RASGRF2: variants seen among roughly 807,000 people sequenced by gnomAD.
RASGRF2 encodes Ras protein specific guanine nucleotide releasing factor 2, also known as ras-specific guanine nucleotide-releasing factor 2.
Under a neutral mutation model 151.0 loss-of-function variants are expected in RASGRF2, and 76 were observed. The ratio of observed to expected loss-of-function variants is 0.50; its 90% confidence interval spans 0.42 to 0.61. RASGRF2 has a LOEUF of 0.61. Among genes scored for constraint, RASGRF2 ranks in the 20% least tolerant of loss-of-function variants. The probability of loss-of-function intolerance (pLI) is 0.00; values close to 1 mark genes in which losing one functional copy is unlikely to be tolerated. For synonymous variants in RASGRF2, 504 were observed against 566.5 expected, an observed-to-expected ratio of 0.89 and a Z score of 1.57; for missense variants, 1,148 against 1,564.6, an observed-to-expected ratio of 0.73 and a Z score of 4.49.
rs1479380019 is a variant in RASGRF2, at chr5:80,974,169, G to T, written c.288+13143G>T. On this transcript the variant is annotated intron_variant, in intron 1 of 26. Transcript: ENST00000265080. ...TCAGAAAACCAGTCCTTATTTGAGA[G>T]TATCTATGCAATTGTTCCAGACAGT... Among the ~76,000 whole-genome samples, 3 of 152,148 alleles carry T rather than the reference G, an allele frequency of 2.0e-5. No individual in the cohort carries two copies. In the East Asian group the frequency reaches 5.8e-4, roughly 29 times the overall value.
intron 12 of RASGRF2, among the ~76,000 whole-genome samples, chr5:81,098,334 A>G (rs563033363): frequency 2.2e-4 from 34 of 152,308 alleles, no homozygotes; most frequent in African/African-American, 7.7e-4. Context: ...TGGAGTTGAT[A>G]AATAAGCAGT....
rs771999042 is a variant in RASGRF2 at position 81,080,103 on chromosome 5, T to G, written c.888-18T>G. The stretch of plus-strand genomic sequence containing the variant: ...ACATTATAGCAACTAAATTATATTA[T>G]TTTTCCTTTTTTTATAGTGAAACAA... On this transcript the variant is annotated intron_variant, in intron 5 of 26. Transcript: ENST00000265080. 2 of 1,593,094 alleles carry G rather than the reference T, an allele frequency of 1.3e-6. No homozygotes were observed. The highest frequency in any genetic ancestry group is 3.8e-5 in the Admixed American group (2 of 52,862).
chr5:81,161,681 G>A (rs1033118283), intron 17 of RASGRF2, among the ~76,000 whole-genome samples: 3 of 152,098 alleles, frequency 2.0e-5, no homozygotes, highest in African/African-American at 7.2e-5. Context: ...GGATCTCTTA[G>A]ACAATATATA....
chr5:81,173,255 G>A (rs1004016587), intron 17 of RASGRF2, among the ~76,000 whole-genome samples: 10 of 152,062 alleles, frequency 6.6e-5, no homozygotes, highest in African/African-American at 9.7e-5. Flanking sequence ...GTGGGTGCCC[G>A]TAATCCCAGC....
intron 17 of RASGRF2, among the ~76,000 whole-genome samples, chr5:81,172,885 C>T (rs1580379090): frequency 6.6e-6 from 1 of 152,066 alleles, no homozygotes; most frequent in Admixed American, 6.6e-5. Context: ...ATAAAACTAG[C>T]AAAGCCTTAC....
intron 4 of RASGRF2, among the ~76,000 whole-genome samples, chr5:81,070,886 T>G (rs1470264338): frequency 1.3e-5 from 2 of 152,210 alleles, no homozygotes; most frequent in Non-Finnish European, 2.9e-5. Flanking sequence ...TGGGGGAATA[T>G]TTTTTAAATT....
chr5:80,975,383 T>G (rs1220625342), intron 1 of RASGRF2, among the ~76,000 whole-genome samples: 1 of 151,816 alleles, frequency 6.6e-6, no homozygotes, highest in African/African-American at 2.4e-5. Context: ...CGTTGAGGGG[T>G]GGGTCTGCAA....
chr5:80,975,747 G>A (rs562233100), intron 1 of RASGRF2, among the ~76,000 whole-genome samples: 7 of 152,040 alleles, frequency 4.6e-5, no homozygotes, highest in Non-Finnish European at 7.4e-5. Context: ...TCCTTACATA[G>A]TGGGTTTAGT....
intron 1 of RASGRF2, among the ~76,000 whole-genome samples, chr5:81,035,560 A>G (rs1335410823): frequency 2.0e-5 from 3 of 152,118 alleles, no homozygotes; most frequent in Non-Finnish European, 4.4e-5. Flanking sequence ...ATGTATACAT[A>G]TGTAACAAAC....
intron 5 of RASGRF2, 128 bp from the exon 6 acceptor site, chr5:81,079,993 T>G: frequency 8.4e-7 from 1 of 1,190,478 alleles, no homozygotes; most frequent in Non-Finnish European, 1.1e-6. Flanking sequence ...ATGTTATTAT[T>G]GGGTATAGTT....
At chr5:80,991,169 G>A (rs186188261) in intron 1 of RASGRF2, among the ~76,000 whole-genome samples, 11 of 152,300 alleles carry the variant, frequency 7.2e-5, no homozygotes, top group Admixed American at 3.9e-4. Flanking sequence ...GGGGCCAGGT[G>A]TGGTGACTCA....
intron 1 of RASGRF2, among the ~76,000 whole-genome samples, chr5:80,977,429 A>G (rs1007334954): frequency 6.0e-5 from 9 of 149,762 alleles, no homozygotes; most frequent in Non-Finnish European, 1.0e-4. Context: ...GTGTTTGTAA[A>G]CTATAAAATG....
chr5:81,083,814 C>T (rs1316377049), intron 7 of RASGRF2, among the ~76,000 whole-genome samples: 1 of 152,194 alleles, frequency 6.6e-6, no homozygotes, highest in Non-Finnish European at 1.5e-5. Context: ...AAAGTAGCTA[C>T]TTGCTATTCT....
intron 12 of RASGRF2, among the ~76,000 whole-genome samples, chr5:81,099,126 T>G (rs1446694238): frequency 6.6e-6 from 1 of 152,176 alleles, no homozygotes; most frequent in African/African-American, 2.4e-5. Flanking sequence ...TTCTGCACAA[T>G]TAAAGAACCT....
chr5:81,079,526 T>C (rs1441124702), intron 5 of RASGRF2, among the ~76,000 whole-genome samples: 1 of 152,232 alleles, frequency 6.6e-6, no homozygotes, highest in Non-Finnish European at 1.5e-5. Context: ...AATGATGTTT[T>C]GACTTTGGTA....
intron 15 of RASGRF2, among the ~76,000 whole-genome samples, chr5:81,117,237 T>G (rs902274940): frequency 6.6e-6 from 1 of 152,232 alleles, no homozygotes; most frequent in Non-Finnish European, 1.5e-5. Flanking sequence ...TACTTTGTTT[T>G]GGGCTGTTAT....
chr5:81,034,802 G>GGT (rs1185099896), intron 1 of RASGRF2, among the ~76,000 whole-genome samples: 12 of 88,730 alleles, frequency 1.4e-4, no homozygotes, highest in African/African-American at 5.9e-4. Flanking sequence ...ACTGTTGTGG[G>GGT]GTGGGAGGGG....
chr5:81,056,932 C>T (rs1189968092), intron 2 of RASGRF2, among the ~76,000 whole-genome samples: 1 of 152,046 alleles, frequency 6.6e-6, no homozygotes, highest in Non-Finnish European at 1.5e-5. Flanking sequence ...TCTGTTTTAT[C>T]AGAGACTAGG....
At chr5:81,034,221 G>A (rs1038688366) in intron 1 of RASGRF2, among the ~76,000 whole-genome samples, 25 of 152,230 alleles carry the variant, frequency 1.6e-4, no homozygotes, top group African/African-American at 5.5e-4. Flanking sequence ...CTGGCCATCA[G>A]AGAAATGCAA....
Sources: allele counts gnomAD v4.1 joint callset (sites outside exome capture counted in the v4.1 genomes callset), GRCh38; gene constraint gnomAD v4.1.1; transcripts MANE v1.5; gene names NCBI Gene and HGNC (gene_info 2026-07-23, HGNC 2026-07-21).